The following MAX variants were observed in gnomAD, a reference collection of about 807,000 sequenced individuals.
MAX encodes the protein protein max.
MAX carries 3 observed loss-of-function variants against 22.3 expected under a neutral mutation model. The observed-to-expected ratio is 0.13, with a 90% CI of 0.06 to 0.35. The LOEUF (loss-of-function observed/expected upper bound fraction) is 0.35. MAX is among the 10% of genes least tolerant of loss of function. The pLI is 1.00. For missense variants in MAX, 119 were observed against 209.4 expected (o/e 0.57, Z 2.66); for synonymous variants, 72 against 77.7 (o/e 0.93, Z 0.39).
At position 65,009,600 on chromosome 14, in the gene MAX, C is replaced by A. The variant is rs2061653450; in HGVS notation, c.172-3316G>T. On this transcript the variant is annotated intron_variant, in intron 3 of 3. Coordinates refer to the MAX transcript ENST00000341653. The surrounding 1 kb of genome is among the most constrained non-coding windows in gnomAD (Gnocchi z 4.2). ...TTCCAGGCTCACCTCTCCTACTATA[C>A]CCTCATCCCAGCCCTCCTCCATCCT... Among the ~76,000 whole-genome samples, 1 of 152,152 alleles carries A rather than the reference C, an allele frequency of 6.6e-6. No individual in the cohort carries two copies. Among genetic ancestry groups the A allele is most frequent in the African/African-American group, 2.4e-5 (1 of 41,410 alleles).
chr14:65,020,997 T>G (rs1244031507), intron 3 of MAX, among the ~76,000 whole-genome samples: 1 of 152,154 alleles, frequency 6.6e-6, no homozygotes, highest in East Asian at 1.9e-4. Flanking sequence ...CCCAAAGTGT[T>G]GGGATTACAG....
intron 2 of MAX, 125 bp downstream of exon 2, chr14:65,101,421 T>A: frequency 2.3e-6 from 2 of 861,718 alleles, no homozygotes; most frequent in East Asian, 5.3e-5. Flanking sequence ...CCACCTCACC[T>A]TAGTGGTTAA....
rs777276109 is a variant in MAX, at chr14:65,032,570, TC to T, written c.172-26287del. On this transcript the variant is annotated intron_variant, in intron 3 of 3. Transcript: ENST00000341653. The surrounding 1 kb of genome is among the most constrained non-coding windows in gnomAD (Gnocchi z 5.0). ...GAGTTCACTGAGCCTCATTAGCTCTTCCGTAGAGCTTAATGTGTTTCCCGTT... is the reference window on the plus strand; with the variant it reads ...GAGTTCACTGAGCCTCATTAGCTCTTCGTAGAGCTTAATGTGTTTCCCGTT... The T allele has an allele frequency of 1.2e-6, 2 of 1,606,240 alleles. No homozygotes were observed. Among genetic ancestry groups the T allele is most frequent in the African/African-American group, 1.3e-5 (1 of 74,674 alleles).
intron 2 of MAX, among the ~76,000 whole-genome samples, chr14:65,096,549 T>C (rs746932411): frequency 1.8e-4 from 27 of 152,210 alleles, no homozygotes; most frequent in African/African-American, 4.3e-4. Context: ...CCCACCCCCA[T>C]TGGAGGACTA....
intron 3 of MAX, among the ~76,000 whole-genome samples, chr14:65,085,254 A>G (rs771934831): frequency 2.2e-4 from 33 of 152,250 alleles, no homozygotes; most frequent in Admixed American, 7.2e-4. Flanking sequence ...TTTAAGTTAT[A>G]TTTAAAATGC....
chr14:65,095,834 G>A lies in MAX; in HGVS notation c.64-2019C>T, dbSNP rs1390837907. On this transcript the variant is annotated intron_variant, in intron 2 of 4. Transcript: ENST00000358664. ...TGTTGATACAAATAAAATTCTAATTGTCTGTTTTCTTTCTGGGAGAGCCCT... is the reference window on the plus strand; with the variant it reads ...TGTTGATACAAATAAAATTCTAATTATCTGTTTTCTTTCTGGGAGAGCCCT... 2.0e-5 allele frequency among the ~76,000 whole-genome samples: 3 copies of A among 152,158 alleles called. No homozygotes were observed. The East Asian group carries it at 5.8e-4, about 29-fold the overall frequency.
In MAX at chr14:65,077,761, A is replaced by G. The variant is rs1207049602; in HGVS notation, c.295+152T>C. On this transcript the variant is annotated intron_variant, in intron 4 of 4. Transcript: ENST00000358664. The surrounding 1 kb of genome is among the most constrained non-coding windows in gnomAD (Gnocchi z 6.3). ...TCAGGTCCTTCCTCAGGACGGCTCT[A>G]ACACTCAGTTACTCAGGCCCCAAGA... 6.2e-7 allele frequency: 1 copy of G among 1,612,758 alleles called. No homozygotes were observed. Among genetic ancestry groups the G allele is most frequent in the East Asian group, 2.2e-5 (1 of 44,860 alleles).
chr14:65,067,019 T>TA (rs35809647), intron 3 of MAX, among the ~76,000 whole-genome samples: 49,342 of 137,760 alleles, frequency 0.36, 8,624 homozygotes, highest in South Asian at 0.46. Context: ...CTACAAAAAT[T>TA]AAAAAAAAAA....
intron 3 of MAX, chr14:65,015,702 G>C (rs1298155034): frequency 1.2e-6 from 2 of 1,614,184 alleles, no homozygotes; most frequent in Non-Finnish European, 8.5e-7. Flanking sequence ...CCATCCCCCA[G>C]ATAGTGGCTA....
rs1388767400 is a variant in MAX at position 65,028,994 on chromosome 14, T to C, written c.172-22710A>G. Among the ~76,000 whole-genome samples, 1 of 152,216 alleles carries C rather than the reference T, an allele frequency of 6.6e-6. No individual in the cohort carries two copies. Among genetic ancestry groups the C allele is most frequent in the Admixed American group, 6.5e-5 (1 of 15,280 alleles). ...ACCTTTTGCAGCTGTGATTATTTGC[T>C]ATCTTATTCATTCCAGCACTTTTTT... On this transcript the variant is annotated intron_variant, in intron 3 of 3. Coordinates refer to the MAX transcript ENST00000341653. The surrounding 1 kb of genome is among the most constrained non-coding windows in gnomAD (Gnocchi z 4.4).
intron 3 of MAX, among the ~76,000 whole-genome samples, chr14:65,034,164 C>T (rs1210903722): frequency 6.6e-6 from 1 of 152,148 alleles, no homozygotes; most frequent in Non-Finnish European, 1.5e-5. Flanking sequence ...TGTCTCTGTG[C>T]ACACGTGCGT....
chr14:65,027,968 C>A lies in MAX; in HGVS notation c.172-21684G>T, dbSNP rs1441809731. 1.3e-5 allele frequency among the ~76,000 whole-genome samples: 2 copies of A among 152,204 alleles called. No individual in the cohort carries two copies. The highest frequency in any genetic ancestry group is 6.5e-5 in the Admixed American group (1 of 15,282). ...TGCAGATGTCCTCAGGTGTCATGAT[C>A]ACTTGACTTATTTTATGTAAATGTG... On this transcript the variant is annotated intron_variant, in intron 3 of 3. Transcript: ENST00000341653. This position sits in a 1 kb window ranked among gnomAD's most constrained non-coding sequence, Gnocchi z 5.7.
chr14:65,029,310 G>A lies in MAX; in HGVS notation c.172-23026C>T, dbSNP rs1480651669. ...TTCTTTCATTGTCCTTTGCCTGGAAGCATCAGCCAGTCCTCAGGAGTGCTT... is the reference window on the plus strand; with the variant it reads ...TTCTTTCATTGTCCTTTGCCTGGAAACATCAGCCAGTCCTCAGGAGTGCTT... On this transcript the variant is annotated intron_variant, in intron 3 of 3. Coordinates refer to the MAX transcript ENST00000341653. This position sits in a 1 kb window ranked among gnomAD's most constrained non-coding sequence, Gnocchi z 4.7. Among the ~76,000 whole-genome samples, 2 of 152,208 alleles carry A rather than the reference G, an allele frequency of 1.3e-5. No homozygotes were observed. The highest frequency in any genetic ancestry group is 2.9e-5 in the Non-Finnish European group (2 of 68,040).
In MAX at chr14:65,084,517, T is replaced by C. The variant is rs2063277190; in HGVS notation, c.172-6481A>G. Among the ~76,000 whole-genome samples, 1 of 151,272 alleles carries C rather than the reference T, an allele frequency of 6.6e-6. No individual in the cohort carries two copies. Among genetic ancestry groups the C allele is most frequent in the Admixed American group, 6.6e-5 (1 of 15,190 alleles). On this transcript the variant is annotated intron_variant, in intron 3 of 4. Coordinates refer to ENST00000358664, the MANE Select transcript of MAX (RefSeq NM_002382.5). This position sits in a 1 kb window ranked among gnomAD's most constrained non-coding sequence, Gnocchi z 4.3. ...AAGAAAGAGGATATAAAAACAATCC[T>C]CTTGGAAAGCATTTTGGCAACACAC...
chr14:65,048,249 C>T, intron 3 of MAX, among the ~76,000 whole-genome samples: 1 of 151,500 alleles, frequency 6.6e-6, no homozygotes, highest in African/African-American at 2.4e-5. Flanking sequence ...ACACAAAGTG[C>T]TGAGATTACA....
chr14:65,081,164 A>G (rs1179193458), intron 3 of MAX, among the ~76,000 whole-genome samples: 1 of 152,270 alleles, frequency 6.6e-6, no homozygotes, highest in East Asian at 1.9e-4. Context: ...TGCTGAAAGC[A>G]GAAGTGCCCC....
At chr14:65,051,507 AGG>A (rs2062609417) in intron 3 of MAX, among the ~76,000 whole-genome samples, 1 of 151,848 alleles carries the variant, frequency 6.6e-6, no homozygotes. Flanking sequence ...GCTACTCGGG[AGG>A]CTGAGGCAGG....
upstream of MAX, chr14:65,102,539 CA>C (rs1455166395): frequency 4.8e-6 from 7 of 1,447,418 alleles, no homozygotes; most frequent in Admixed American, 2.4e-5. Context: ...TCAACGGCGG[CA>C]CGCACGCCCG....
chr14:65,055,511 T>C (rs893852772), intron 3 of MAX, among the ~76,000 whole-genome samples: 2 of 152,156 alleles, frequency 1.3e-5, no homozygotes, highest in Admixed American at 1.3e-4. Context: ...AAAATTTTTT[T>C]TTTAATTTTT....
Sources: gnomAD v4.1 joint callset for allele counts (sites outside exome capture counted in the v4.1 genomes callset) on GRCh38, gnomAD v4.1.1 for gene constraint, Gnocchi (gnomAD v3.1) non-coding constraint, MANE v1.5 for transcripts, NCBI Gene and HGNC (gene_info 2026-07-23, HGNC 2026-07-21) for gene names.